The following FBRSL1 variants were observed in gnomAD, a reference collection of about 807,000 sequenced individuals.
FBRSL1 encodes the protein fibrosin like 1.
Under a neutral mutation model 89.6 loss-of-function variants are expected in FBRSL1, and 51 were observed. The ratio of observed to expected loss-of-function variants is 0.57; its 90% CI spans 0.45 to 0.72. The LOEUF (loss-of-function observed/expected upper bound fraction) is 0.72. Ranked by LOEUF, FBRSL1 falls within the 30% of genes least tolerant of loss-of-function variation. FBRSL1 has a pLI of 0.00. For missense variants in FBRSL1, 1,618 were observed against 1,451.8 expected, an observed-to-expected ratio of 1.11 and a Z score of -1.86; for synonymous variants, 779 against 681.1, an observed-to-expected ratio of 1.14 and a Z score of -2.24.
chr12:132,529,093 G>T (rs949940454), intron 4 of FBRSL1, among the ~76,000 whole-genome samples: 5 of 152,200 alleles, frequency 3.3e-5, no homozygotes, highest in African/African-American at 9.7e-5. Context: ...CATTTCTACA[G>T]ATTGACGGCC....
At chr12:132,541,974 G>T (rs2037305294) in intron 4 of FBRSL1, among the ~76,000 whole-genome samples, 1 of 152,206 alleles carries the variant, frequency 6.6e-6, no homozygotes, top group Non-Finnish European at 1.5e-5. Flanking sequence ...AAGCAGCCAA[G>T]CTGCCGTCTG....
At chr12:132,549,571 T>G (rs1340618121) in intron 5 of FBRSL1, among the ~76,000 whole-genome samples, 1 of 152,064 alleles carries the variant, frequency 6.6e-6, no homozygotes, top group Non-Finnish European at 1.5e-5. Context: ...CAACCAAGGG[T>G]TGCTCTGAGA....
chr12:132,576,869 C>T lies in FBRSL1; in HGVS notation c.1772C>T (p.Pro591Leu), dbSNP rs777297153. The T allele has an allele frequency of 8.3e-5, 129 of 1,550,892 alleles. No homozygotes were observed. In the Middle Eastern group the frequency reaches 1.0e-3, roughly 12 times the overall value. Residue 591 changes from proline (P) to leucine (L), a missense_variant, in exon 15 of 19, where the codon CCG (proline) becomes CTG (leucine). Pro to Leu is a moderately conservative substitution (Grantham distance 98, BLOSUM62 -3). Coordinates refer to ENST00000680143, the MANE Select transcript of FBRSL1 (RefSeq NM_001367871.1). ...KLDLFGRPPA[P>L]GVFAGFHYPQ... The stretch of plus-strand genomic sequence containing the variant: ...GACCTGTTCGGCAGACCCCCTGCCC[C>T]GGGCGTGTTTGCAGGCTTCCACTAC...
chr12:132,563,719 C>T lies in FBRSL1; in HGVS notation c.646-3762C>T, dbSNP rs192215866. ...ATACCTACGACTGTATACCCACCCC[C>T]GTCGCCCCTGAACCCCCGAGCTCCT... On this transcript the variant is annotated intron_variant, in intron 5 of 18. Transcript: ENST00000680143. Among the ~76,000 whole-genome samples, 40 of 138,296 alleles carry T rather than the reference C, an allele frequency of 2.9e-4. No homozygotes were observed. The East Asian group carries it at 4.5e-3, about 16-fold the overall frequency. The allele number at this position is 138,296 out of a possible 152,430, so 90.7% of individuals were successfully genotyped here.
In FBRSL1 at chr12:132,564,536, C is replaced by A. The variant is rs548905195; in HGVS notation, c.646-2945C>A. Among the ~76,000 whole-genome samples, 329 of 148,680 alleles carry A rather than the reference C, an allele frequency of 2.2e-3. 2 individuals carry two copies. Among genetic ancestry groups the A allele is most frequent in the African/African-American group, 7.6e-3 (309 of 40,540 alleles). On this transcript the variant is annotated intron_variant, in intron 5 of 18. Coordinates refer to ENST00000680143, the MANE Select transcript of FBRSL1 (RefSeq NM_001367871.1). ...TTTGAGACGGAGTCTCGCTCTGTCG[C>A]CCAGGCTGGAGTCCAGTGGTACGAT... is the stretch of plus-strand genomic sequence containing the variant.
rs1219279848 is a variant in FBRSL1 at position 132,570,457 on chromosome 12, C to T, written c.1130C>T (p.Ala377Val). The change falls in exon 8 of 19, where the codon GCG (alanine) becomes GTG (valine). Residue 377 changes from alanine to valine, a missense_variant. Ala to Val is a moderately conservative substitution (Grantham distance 64). Transcript: ENST00000680143. The stretch of plus-strand genomic sequence containing the variant: ...TCCCAGGCGCAGCACCAGCTCCACG[C>T]GGCCATGTTTGCCGCACCCCCGACA... ...LRSQAQHQLHAAMFAAPPTLP... is the reference protein window; with the variant it reads ...LRSQAQHQLHVAMFAAPPTLP... 33 of 1,533,874 alleles carry T rather than the reference C, an allele frequency of 2.2e-5. No homozygotes were observed. Among genetic ancestry groups the T allele is most frequent in the Non-Finnish European group, 2.5e-5 (29 of 1,145,552 alleles).
intron 2 of FBRSL1, chr12:132,510,699 TGCCTGCC>T: frequency 7.4e-6 from 9 of 1,219,678 alleles, no homozygotes; most frequent in Non-Finnish European, 9.2e-6. Flanking sequence ...AACCCGCGTC[TGCCTGCC>T]GCCCCGCCAT....
intron 4 of FBRSL1, among the ~76,000 whole-genome samples, chr12:132,536,229 GGTGT>G (rs917327957): frequency 6.7e-6 from 1 of 148,632 alleles, no homozygotes; most frequent in Non-Finnish European, 1.5e-5. Context: ...CGTGTAAAAT[GGTGT>G]GAGTGCACAT....
At chr12:132,509,376 G>A in intron 2 of FBRSL1, 1 of 1,242,998 alleles carries the variant, frequency 8.0e-7, no homozygotes, top group Non-Finnish European at 1.0e-6. Context: ...GTCACTTCTG[G>A]GCCTGAAACA....
At chr12:132,527,487 C>T (rs2035881596) in intron 3 of FBRSL1, among the ~76,000 whole-genome samples, 1 of 152,242 alleles carries the variant, frequency 6.6e-6, no homozygotes, top group South Asian at 2.1e-4. Flanking sequence ...CTGTCCTCCT[C>T]CCTGCGGCCT....
chr12:132,582,415 G>T lies in FBRSL1; in HGVS notation c.2201+149G>T, dbSNP rs1240956226. ...CCCCCTCCCCCTGTTCCCCTTCCCC[G>T]TTCCCCCTCCCCCATTCCCTCTCAC... On this transcript the variant is annotated intron_variant, in intron 18 of 18. Transcript: ENST00000680143. 3.2e-5 allele frequency: 16 copies of T among 505,874 alleles called. No individual in the cohort carries two copies. In the Admixed American group the frequency reaches 3.6e-4, roughly 11 times the overall value. The allele number at this position is 505,874 out of a possible 1,614,324, so 31.3% of individuals were successfully genotyped here. A position where few individuals can be genotyped will look rare whatever the true frequency, so the allele number is the denominator to read the frequency against.
chr12:132,545,612 G>A (rs1450956195), intron 4 of FBRSL1, among the ~76,000 whole-genome samples: 2 of 152,238 alleles, frequency 1.3e-5, no homozygotes, highest in Non-Finnish European at 2.9e-5. Flanking sequence ...CCCACGGGGA[G>A]ATCCGTAACC....
At chr12:132,510,620 T>C (rs1361463713) in intron 2 of FBRSL1, 1 of 1,229,648 alleles carries the variant, frequency 8.1e-7, no homozygotes, top group Non-Finnish European at 1.0e-6. Context: ...AAATTGAGGC[T>C]CGGCCAGAGG....
intron 2 of FBRSL1, among the ~76,000 whole-genome samples, chr12:132,524,979 GT>G (rs2035666534): frequency 6.6e-6 from 1 of 152,180 alleles, no homozygotes; most frequent in Admixed American, 6.5e-5. Context: ...GTGAGCAAAT[GT>G]GTGAGTGTGT....
In FBRSL1 at chr12:132,492,974, TTC is replaced by T. The variant is rs540826965; in HGVS notation, c.291+2118_291+2119del. Reference sequence around the variant, plus strand: ...ATAGTAGTGACTGGTTCAGTAAGCATTCTCTCCATCAGGCAGTGTTCTGAGCT... The same window carrying T: ...ATAGTAGTGACTGGTTCAGTAAGCATTCTCCATCAGGCAGTGTTCTGAGCT... On this transcript the variant is annotated intron_variant, in intron 1 of 18. Transcript: ENST00000680143. Among the ~76,000 whole-genome samples, 527 of 152,366 alleles carry T rather than the reference TTC, an allele frequency of 3.5e-3. 3 individuals are homozygous for T. The highest frequency in any genetic ancestry group is 0.014 in the Middle Eastern group (4 of 294).
rs549424722 is a variant in FBRSL1 at position 132,531,463 on chromosome 12, G to A, written c.615+3475G>A. ...CCTGTCCTGTGTGCAGCTCGTGTCC[G>A]TGGTACCCCCGTGTGGTGGGCTGCA... On this transcript the variant is annotated intron_variant, in intron 4 of 18. Transcript: ENST00000680143. 2.1e-4 allele frequency among the ~76,000 whole-genome samples: 32 copies of A among 152,238 alleles called. No homozygotes were observed. In the South Asian group the frequency reaches 2.7e-3, roughly 13 times the overall value.
chr12:132,518,321 C>T (rs2035030223), intron 2 of FBRSL1, among the ~76,000 whole-genome samples: 1 of 151,198 alleles, frequency 6.6e-6, no homozygotes, highest in South Asian at 2.1e-4. Flanking sequence ...ATCCAGCCAC[C>T]CATGCATCTG....
chr12:132,570,539 C>A lies in FBRSL1; in HGVS notation c.1212C>A (p.Ala404=). 2.0e-6 allele frequency: 3 copies of A among 1,503,792 alleles called. No homozygotes were observed. Among genetic ancestry groups the A allele is most frequent in the Non-Finnish European group, 2.7e-6 (3 of 1,129,096 alleles). The allele number at this position is 1,503,792 out of a possible 1,614,324, so 93.2% of individuals were successfully genotyped here. A position where few individuals can be genotyped will look rare whatever the true frequency, so the allele number is the denominator to read the frequency against. Residue 404 remains alanine, a splice_region_variant and synonymous_variant, in exon 8 of 19, where the codon GCC becomes GCA. Coordinates refer to ENST00000680143, the MANE Select transcript of FBRSL1 (RefSeq NM_001367871.1). ...ASSLVLPGHP[A]DASLAVSFSQ... is the part of the protein sequence containing the mutation. ...GCCTGGTCCTCCCAGGACACCCGGC[C>A]GGTAGGTGTCTCGGCCACAATCTCG...
intron 11 of FBRSL1, among the ~76,000 whole-genome samples, chr12:132,573,614 C>T (rs927567676): frequency 3.9e-5 from 6 of 152,208 alleles, no homozygotes; most frequent in Admixed American, 3.3e-4. Context: ...ACAGCTGCTT[C>T]TGGGCAGGGT....
Sources: gnomAD v4.1 joint callset for allele counts (sites outside exome capture counted in the v4.1 genomes callset) on GRCh38, gnomAD v4.1.1 for gene constraint, MANE v1.5 for transcripts, NCBI Gene and HGNC (gene_info 2026-07-23, HGNC 2026-07-21) for gene names.